Variants in MPPED1 observed in about 807,000 individuals in gnomAD.
MPPED1 encodes metallophosphoesterase domain containing 1.
Under a neutral mutation model 36.2 loss-of-function variants are expected in MPPED1, and 16 were observed. That is an observed-to-expected ratio of 0.44 (90% CI 0.30 to 0.67). The LOEUF (loss-of-function observed/expected upper bound fraction) is 0.67. MPPED1 is among the 30% of genes least tolerant of loss of function. MPPED1 has a pLI of 0.10. For missense variants in MPPED1, 307 were observed against 453.4 expected, an observed-to-expected ratio of 0.68 and a Z score of 2.93; for synonymous variants, 199 against 191.3, an observed-to-expected ratio of 1.04 and a Z score of -0.33.
At chr22:43,466,475 A>G (rs935517538) in intron 3 of MPPED1, among the ~76,000 whole-genome samples, 12 of 152,180 alleles carry the variant, frequency 7.9e-5, no homozygotes, top group African/African-American at 2.9e-4. Context: ...TGCAGCGTTA[A>G]TCTTCCTGAA....
intron 4 of MPPED1, among the ~76,000 whole-genome samples, chr22:43,484,525 C>A (rs1487096633): frequency 6.6e-6 from 1 of 152,222 alleles, no homozygotes; most frequent in Non-Finnish European, 1.5e-5. Context: ...CTGTCCCCTT[C>A]TGTGACGGAT....
At position 43,474,779 on chromosome 22, in the gene MPPED1, C is replaced by T. The variant is rs373402562; in HGVS notation, c.450C>T (p.His150=). 190 of 1,613,968 alleles carry T rather than the reference C, an allele frequency of 1.2e-4. 1 individual carries two copies. Among genetic ancestry groups the T allele is most frequent in the Admixed American group, 8.3e-5 (5 of 60,014 alleles). ...ACAAGATCGTGATCGCAGGCAACCA[C>T]GAGCTGACCTTTGACCAGGAGTTCA... ...YEYKIVIAGN[H]ELTFDQEFMA... is the part of the protein sequence containing the mutation. Residue 150 remains histidine, a synonymous_variant, in exon 4 of 7, where the codon CAC becomes CAT. Coordinates refer to ENST00000443721, the MANE Select transcript of MPPED1 (RefSeq NM_001044370.2). This position sits in a 1 kb window ranked among gnomAD's most constrained non-coding sequence, Gnocchi z 5.2.
At chr22:43,413,231 G>A (rs1207949228) in intron 1 of MPPED1, among the ~76,000 whole-genome samples, 1 of 152,184 alleles carries the variant, frequency 6.6e-6, no homozygotes. Context: ...ATTAAACTGG[G>A]GGAACAAAAG....
intron 4 of MPPED1, among the ~76,000 whole-genome samples, chr22:43,490,648 G>T (rs1388448502): frequency 1.3e-5 from 2 of 152,214 alleles, no homozygotes; most frequent in African/African-American, 4.8e-5. Flanking sequence ...TACTGATGAG[G>T]CTTCCTCCTG....
At chr22:43,463,412 T>C (rs372742017) in intron 3 of MPPED1, among the ~76,000 whole-genome samples, 1 of 149,966 alleles carries the variant, frequency 6.7e-6, no homozygotes, top group Non-Finnish European at 1.5e-5. Context: ...GCTCACCACA[T>C]CTTTGAATTC....
In MPPED1 at chr22:43,497,439, G is replaced by A. The variant is rs574201974; in HGVS notation, c.633-796G>A. Among the ~76,000 whole-genome samples the A allele has an allele frequency of 5.3e-5, 8 of 152,130 alleles. No individual in the cohort carries two copies. In the South Asian group the frequency reaches 6.2e-4, roughly 12 times the overall value. ...TTTCTTGGGTAACTTAACAGCTGCC[G>A]ACAGCTGCCCACAGCTCCCAAGGCT... is the stretch of plus-strand genomic sequence containing the variant. On this transcript the variant is annotated intron_variant, in intron 4 of 6. Transcript: ENST00000443721.
intron 2 of MPPED1, among the ~76,000 whole-genome samples, chr22:43,429,595 C>CTTGTGGCCCACGCT (rs1929602661): frequency 6.6e-6 from 1 of 152,248 alleles, no homozygotes; most frequent in Non-Finnish European, 1.5e-5. Context: ...AGCACTGGGC[C>CTTGTGGCCCACGCT]TTGTGGCCCA....
At chr22:43,439,990 G>A (rs577460191) in intron 3 of MPPED1, among the ~76,000 whole-genome samples, 3 of 152,374 alleles carry the variant, frequency 2.0e-5, no homozygotes, top group South Asian at 4.1e-4. Context: ...GGTGGCTCTC[G>A]CCTTGCGGCG....
intron 1 of MPPED1, among the ~76,000 whole-genome samples, chr22:43,412,438 C>T (rs1056235922): frequency 3.1e-4 from 47 of 152,240 alleles, no homozygotes; most frequent in Middle Eastern, 3.4e-3. Context: ...CCAGTCGCTG[C>T]TGCTGCTGGC....
chr22:43,419,900 C>T (rs1437788991), intron 1 of MPPED1, among the ~76,000 whole-genome samples: 2 of 152,084 alleles, frequency 1.3e-5, no homozygotes, highest in Non-Finnish European at 2.9e-5. Context: ...TCACTGGACT[C>T]ACAGTACCCA....
intron 2 of MPPED1, among the ~76,000 whole-genome samples, chr22:43,426,798 C>A (rs1601948810): frequency 1.3e-5 from 2 of 152,360 alleles, no homozygotes; most frequent in African/African-American, 4.8e-5. Flanking sequence ...CTAGTGTTGC[C>A]TGTGGCTGCC....
At chr22:43,494,694 AGTGGTGGTGGTG>A (rs540041967) in intron 4 of MPPED1, among the ~76,000 whole-genome samples, 2 of 136,914 alleles carry the variant, frequency 1.5e-5, no homozygotes, top group African/African-American at 2.9e-5. Flanking sequence ...TTTGATTCAC[AGTGGTGGTGGTG>A]GTGGTGGTGG....
chr22:43,471,138 A>G (rs1177567965), intron 3 of MPPED1, among the ~76,000 whole-genome samples: 1 of 152,264 alleles, frequency 6.6e-6, no homozygotes, highest in Non-Finnish European at 1.5e-5. Context: ...GAGCTGCAGA[A>G]ATAAATGAAA....
intron 1 of MPPED1, among the ~76,000 whole-genome samples, chr22:43,413,217 T>C (rs1928966654): frequency 6.6e-6 from 1 of 151,952 alleles, no homozygotes; most frequent in Non-Finnish European, 1.5e-5. Context: ...CAAACAATTA[T>C]GAAATTAAAC....
At chr22:43,418,262 C>A in intron 1 of MPPED1, 1 of 420,900 alleles carries the variant, frequency 2.4e-6, no homozygotes, top group South Asian at 1.7e-5. Context: ...TGGGGCTGTC[C>A]TGGGCCTGCG....
intron 3 of MPPED1, among the ~76,000 whole-genome samples, chr22:43,454,505 A>G (rs1023307330): frequency 4.0e-5 from 6 of 151,730 alleles, no homozygotes; most frequent in African/African-American, 1.2e-4. Context: ...AGGTCTCACT[A>G]TGTTTCCCAG....
At chr22:43,459,530 G>T (rs1280893538) in intron 3 of MPPED1, among the ~76,000 whole-genome samples, 3 of 151,942 alleles carry the variant, frequency 2.0e-5, no homozygotes, top group Non-Finnish European at 4.4e-5. Flanking sequence ...TTTCCTTTCT[G>T]TTCCTCAAAC....
intron 4 of MPPED1, among the ~76,000 whole-genome samples, chr22:43,486,992 G>A (rs1207888503): frequency 6.6e-6 from 1 of 152,168 alleles, no homozygotes; most frequent in Non-Finnish European, 1.5e-5. Flanking sequence ...ACTCTGAGGT[G>A]AGGCTCCTGG....
chr22:43,492,573 G>A (rs1346511258), intron 4 of MPPED1, among the ~76,000 whole-genome samples: 1 of 152,126 alleles, frequency 6.6e-6, no homozygotes. Flanking sequence ...CAGCTCTTCT[G>A]TGCCCTGCCC....
Sources: gnomAD v4.1 joint callset for allele counts (sites outside exome capture counted in the v4.1 genomes callset) on GRCh38, gnomAD v4.1.1 for gene constraint, Gnocchi (gnomAD v3.1) non-coding constraint, MANE v1.5 for transcripts, NCBI Gene and HGNC (gene_info 2026-07-23, HGNC 2026-07-21) for gene names.